Variants in PDE4D observed in about 807,000 individuals in gnomAD.
PDE4D encodes the protein 3',5'-cyclic-AMP phosphodiesterase 4D.
A neutral mutation model predicts 87.4 loss-of-function variants in PDE4D; 24 were observed. That is an observed-to-expected ratio of 0.27 (90% CI 0.20 to 0.39). The LOEUF is 0.39. PDE4D is among the 10% of genes least tolerant of loss of function. PDE4D has a pLI of 1.00. For synonymous variants in PDE4D, 384 were observed against 383.2 expected, an observed-to-expected ratio of 1.00 and a Z score of -0.02; for missense variants, 714 against 1,041.0, an observed-to-expected ratio of 0.69 and a Z score of 4.32.
intron 1 of PDE4D, among the ~76,000 whole-genome samples, chr5:59,453,269 T>G (rs1799430598): frequency 6.6e-6 from 1 of 152,102 alleles, no homozygotes; most frequent in Non-Finnish European, 1.5e-5. Context: ...TCCTCAGTCC[T>G]CCCCATCCCT....
At chr5:60,107,467 C>T (rs555753575) in intron 2 of PDE4D, among the ~76,000 whole-genome samples, 1 of 152,240 alleles carries the variant, frequency 6.6e-6, no homozygotes, top group South Asian at 2.1e-4. Context: ...GAAACTATTC[C>T]AATCAATAGA....
chr5:59,300,797 C>T (rs1217242445), intron 1 of PDE4D, among the ~76,000 whole-genome samples: 5 of 152,210 alleles, frequency 3.3e-5, no homozygotes, highest in African/African-American at 1.2e-4. Flanking sequence ...CCAAGACTGC[C>T]CCCCACCACA....
At chr5:59,220,394 A>AAAAAAAAAAAAAAAAAAAAC in intron 1 of PDE4D, among the ~76,000 whole-genome samples, 1 of 149,238 alleles carries the variant, frequency 6.7e-6, no homozygotes, top group Non-Finnish European at 1.5e-5. Context: ...AAAAAAAAAA[A>AAAAAAAAAAAAAAAAAAAAC]AAAAAAAAGA....
intron 2 of PDE4D, among the ~76,000 whole-genome samples, chr5:59,209,664 C>G (rs1476772385): frequency 2.0e-5 from 3 of 152,104 alleles, no homozygotes; most frequent in Admixed American, 1.3e-4. Flanking sequence ...AGGTTTTGTT[C>G]TAACAATTTA....
chr5:59,952,889 G>A (rs572161486), intron 3 of PDE4D, among the ~76,000 whole-genome samples: 2 of 152,148 alleles, frequency 1.3e-5, no homozygotes, highest in African/African-American at 2.4e-5. Context: ...TACATAACAA[G>A]AGACCAGCTA....
intron 1 of PDE4D, among the ~76,000 whole-genome samples, chr5:60,469,179 C>A (rs1393339739): frequency 6.6e-6 from 1 of 152,132 alleles, no homozygotes; most frequent in Non-Finnish European, 1.5e-5. Context: ...ACTAAGAAAC[C>A]CACTCATCAC....
At chr5:59,174,102 C>A (rs1783446814) in intron 5 of PDE4D, among the ~76,000 whole-genome samples, 1 of 152,122 alleles carries the variant, frequency 6.6e-6, no homozygotes, top group African/African-American at 2.4e-5. Flanking sequence ...AAATAATTGT[C>A]CCAATTAAAT....
intron 1 of PDE4D, among the ~76,000 whole-genome samples, chr5:59,554,608 C>A (rs1818611247): frequency 6.6e-6 from 1 of 152,182 alleles, no homozygotes; most frequent in African/African-American, 2.4e-5. Flanking sequence ...ATTTCTCACA[C>A]TATGACTAGC....
intron 1 of PDE4D, among the ~76,000 whole-genome samples, chr5:60,230,948 G>A (rs1042073062): frequency 2.0e-5 from 3 of 152,132 alleles, no homozygotes; most frequent in African/African-American, 7.2e-5. Flanking sequence ...TGCTTTCTTC[G>A]CTGATCTCTC....
At chr5:60,055,236 A>C (rs1176455623) in intron 2 of PDE4D, among the ~76,000 whole-genome samples, 1 of 152,090 alleles carries the variant, frequency 6.6e-6, no homozygotes, top group Non-Finnish European at 1.5e-5. Context: ...TAAATATCTG[A>C]AAAAAGATAT....
chr5:60,092,789 T>C lies in PDE4D; in HGVS notation c.42+92768A>G, dbSNP rs137891747. ...CTGGAACTAATGCCAGATTTATTTG[T>C]GTGAACAAGGCCGTAGGCTAAATTA... On this transcript the variant is annotated intron_variant, in intron 2 of 16. Transcript: ENST00000502484. 5.3e-5 allele frequency among the ~76,000 whole-genome samples: 8 copies of C among 152,324 alleles called. No individual in the cohort carries two copies. The East Asian group carries it at 1.5e-3, about 29-fold the overall frequency.
chr5:58,988,787 A>C (rs1747166218), intron 10 of PDE4D, among the ~76,000 whole-genome samples, 195 bp from the exon 11 acceptor site: 2 of 152,152 alleles, frequency 1.3e-5, no homozygotes, highest in South Asian at 4.1e-4. Context: ...ATTTTATCTA[A>C]TTTTATTACA....
chr5:59,974,185 T>C (rs963114864), intron 3 of PDE4D, among the ~76,000 whole-genome samples: 1 of 152,166 alleles, frequency 6.6e-6, no homozygotes, highest in Non-Finnish European at 1.5e-5. Context: ...ATTGGCAGCA[T>C]GACGAACTGG....
At chr5:59,210,368 T>G (rs1348144170) in intron 2 of PDE4D, among the ~76,000 whole-genome samples, 1 of 152,228 alleles carries the variant, frequency 6.6e-6, no homozygotes, top group African/African-American at 2.4e-5. Flanking sequence ...GAAGCAATAC[T>G]ACTCTTATAC....
Position 59,925,161 on chromosome 5 carries a change from C to G in PDE4D, c.272+63327G>C, listed in dbSNP as rs1025135202. On this transcript the variant is annotated intron_variant, in intron 3 of 16. Coordinates refer to the PDE4D transcript ENST00000502484. The stretch of plus-strand genomic sequence containing the variant: ...CTGCACTCCAGCCTGGGCAACAGAG[C>G]GAGACTGCATCTCAAAAAAAAAAGA... Among the ~76,000 whole-genome samples the G allele has an allele frequency of 6.0e-5, 5 of 82,992 alleles. No homozygotes were observed. In the East Asian group the frequency reaches 1.0e-3, roughly 17 times the overall value. The allele number at this position is 82,992 out of a possible 152,430, so 54.4% of individuals were successfully genotyped here. A position where few individuals can be genotyped will look rare whatever the true frequency, so the allele number is the denominator to read the frequency against.
In PDE4D at chr5:59,421,893, A is replaced by C. The variant is rs533682690; in HGVS notation, c.456-205925T>G. Among the ~76,000 whole-genome samples the C allele has an allele frequency of 7.9e-5, 12 of 152,302 alleles. No individual in the cohort carries two copies. In the East Asian group the frequency reaches 1.7e-3, roughly 22 times the overall value. ...AATGAATTTTACAAGAATTTATTGA[A>C]TATCTATTATGTACCAGGACCCAGA... On this transcript the variant is annotated intron_variant, in intron 1 of 14. Coordinates refer to ENST00000340635, the MANE Select transcript of PDE4D (RefSeq NM_001104631.2).
intron 1 of PDE4D, among the ~76,000 whole-genome samples, chr5:59,605,752 G>T (rs1828109480): frequency 6.6e-6 from 1 of 152,014 alleles, no homozygotes; most frequent in African/African-American, 2.4e-5. Context: ...GTACCTCTGG[G>T]TCACTTTCAC....
At chr5:60,346,191 T>C (rs1758734178) in intron 1 of PDE4D, among the ~76,000 whole-genome samples, 1 of 152,164 alleles carries the variant, frequency 6.6e-6, no homozygotes, top group Non-Finnish European at 1.5e-5. Context: ...ATTATGGTAA[T>C]GATGAATAAG....
chr5:60,040,902 C>T (rs907666872), intron 2 of PDE4D, among the ~76,000 whole-genome samples: 2 of 151,976 alleles, frequency 1.3e-5, no homozygotes, highest in African/African-American at 2.4e-5. Context: ...TAAGTGAGCC[C>T]GAATTCTTTC....
Sources: allele counts gnomAD v4.1 joint callset (sites outside exome capture counted in the v4.1 genomes callset), GRCh38; gene constraint gnomAD v4.1.1; transcripts MANE v1.5; gene names NCBI Gene and HGNC (gene_info 2026-07-23, HGNC 2026-07-21).